Variants in INCENP observed in about 807,000 individuals in gnomAD.
INCENP encodes the protein binds and activates aurora-B and -C in vivo and in vitro.
INCENP carries 43 observed loss-of-function variants against 107.3 expected under a neutral mutation model. The ratio of observed to expected loss-of-function variants is 0.40; its 90% CI spans 0.31 to 0.52. The LOEUF (loss-of-function observed/expected upper bound fraction) is 0.52. Ranked by LOEUF, INCENP falls within the 20% of genes least tolerant of loss-of-function variation. The pLI is 0.53. For synonymous variants in INCENP, 488 were observed against 494.4 expected (o/e 0.99, Z 0.17); for missense variants, 1,089 against 1,250.9 (o/e 0.87, Z 1.95).
chr11:62,124,396 C>G (rs1943706363), intron 1 of INCENP, among the ~76,000 whole-genome samples: 1 of 148,994 alleles, frequency 6.7e-6, no homozygotes, highest in South Asian at 2.1e-4. Context: ...AGCATAGCCC[C>G]GTTCCCTCCG....
chr11:62,141,721 C>T (rs1464330813), intron 11 of INCENP: 4 of 669,208 alleles, frequency 6.0e-6, no homozygotes, highest in African/African-American at 5.4e-5. Flanking sequence ...CCTCCCTGCC[C>T]TTGACTCTGC....
intron 4 of INCENP, among the ~76,000 whole-genome samples, chr11:62,137,246 T>G (rs1944011976): frequency 1.3e-5 from 2 of 152,100 alleles, no homozygotes; most frequent in Non-Finnish European, 2.9e-5. Flanking sequence ...GTGGTTGCAG[T>G]GAGCTGAGAT....
chr11:62,129,034 G>A (rs1943820212), intron 3 of INCENP, 151 bp downstream of exon 3: 5 of 625,640 alleles, frequency 8.0e-6, no homozygotes, highest in Admixed American at 2.5e-5. Flanking sequence ...GGGCCATGCT[G>A]AGAGGGGTTG....
At chr11:62,144,377 G>A (rs1364011830) in intron 11 of INCENP, among the ~76,000 whole-genome samples, 1 of 151,692 alleles carries the variant, frequency 6.6e-6, no homozygotes, top group African/African-American at 2.4e-5. Flanking sequence ...CATGTCACAG[G>A]AAGTTTGGAA....
Position 62,145,555 on chromosome 11 carries a change from C to T in INCENP, c.1837-74C>T. Reference sequence around the variant, plus strand: ...GTGCAGGGGCAGGTGGGGCCTGTCACACACAGTTCTGGGCTCCACTCTGCA... The same window carrying T: ...GTGCAGGGGCAGGTGGGGCCTGTCATACACAGTTCTGGGCTCCACTCTGCA... On this transcript the variant is annotated intron_variant, in intron 13 of 18. Transcript: ENST00000394818. 3 of 1,509,680 alleles carry T rather than the reference C, an allele frequency of 2.0e-6. No individual in the cohort carries two copies. The East Asian group carries it at 7.2e-5, about 36-fold the overall frequency. 93.5% of individuals were successfully genotyped at this position (1,509,680 alleles called of 1,614,324 possible).
intron 6 of INCENP, 23 bp from the exon 7 acceptor site, chr11:62,138,865 T>G: frequency 6.2e-7 from 1 of 1,607,222 alleles, no homozygotes; most frequent in African/African-American, 1.3e-5. Flanking sequence ...TCAAGACCCC[T>G]AAAGCCTTGG....
intron 13 of INCENP, 44 bp from the exon 14 acceptor site, chr11:62,145,585 T>G: frequency 6.4e-7 from 1 of 1,567,788 alleles, no homozygotes; most frequent in Non-Finnish European, 8.6e-7. Flanking sequence ...TCTGCAGGAT[T>G]GAATGTGGGT....
Position 62,140,916 on chromosome 11 carries a change from G to A in INCENP, c.1465G>A (p.Val489Ile). ...TGACCCTGGTCCTCGTCTGCAGGTG[G>A]TACGGCCCCTCCGGACCTTTCTGCA... ...PSSPCPASKV[V>I]RPLRTFLHTV... The change falls in exon 10 of 19, where the codon GTA becomes ATA. Residue 489 changes from valine (V) to isoleucine (I), a missense_variant. Physicochemically the swap from Val to Ile is conservative, Grantham distance 29. Coordinates refer to ENST00000394818, the MANE Select transcript of INCENP (RefSeq NM_001040694.2). The A allele has an allele frequency of 3.1e-6, 5 of 1,614,172 alleles. No homozygotes were observed. Among genetic ancestry groups the A allele is most frequent in the African/African-American group, 2.7e-5 (2 of 75,070 alleles).
At chr11:62,126,329 G>C (rs754665520) in intron 1 of INCENP, among the ~76,000 whole-genome samples, 2 of 152,060 alleles carry the variant, frequency 1.3e-5, no homozygotes, top group Non-Finnish European at 2.9e-5. Context: ...CTGAGTAGCT[G>C]GGATTATAGG....
At chr11:62,135,055 A>T (rs1943963372) in intron 4 of INCENP, among the ~76,000 whole-genome samples, 1 of 152,178 alleles carries the variant, frequency 6.6e-6, no homozygotes, top group African/African-American at 2.4e-5. Flanking sequence ...TGTCTCAAAA[A>T]AAAAAAGTAG....
At chr11:62,128,366 G>T (rs1943803804) in intron 2 of INCENP, 65 bp downstream of exon 2, 1 of 1,584,376 alleles carries the variant, frequency 6.3e-7, no homozygotes. Context: ...TGGTCTTGGG[G>T]ACACAACAGC....
At position 62,124,034 on chromosome 11, in the gene INCENP, GC is replaced by G. The variant is rs1441535637; in HGVS notation, c.-139del. ...TCATAGTTTTCGCCCGCGCTGCGCC[GC>G]CTGGTTGCTCCTCCCGTGCGGTGAG... is the stretch of plus-strand genomic sequence containing the variant. On this transcript the variant is annotated 5_prime_UTR_variant, in exon 1 of 19. Coordinates refer to ENST00000394818, the MANE Select transcript of INCENP (RefSeq NM_001040694.2). The G allele has an allele frequency of 6.6e-6, 1 of 152,254 alleles. No homozygotes were observed. Among genetic ancestry groups the G allele is most frequent in the Non-Finnish European group, 1.5e-5 (1 of 68,066 alleles). The allele number at this position is 152,254 out of a possible 1,614,324, so 9.4% of individuals were successfully genotyped here.
In INCENP at chr11:62,140,971, C is replaced by A. The variant is rs1306430231; in HGVS notation, c.1520C>A (p.Thr507Asn). The change falls in exon 10 of 19, where the codon ACC (threonine) becomes AAC (asparagine). Residue 507 changes from threonine (T) to asparagine (N), a missense_variant. Physicochemically the swap from Thr to Asn is moderately conservative, Grantham distance 65. Coordinates refer to ENST00000394818, the MANE Select transcript of INCENP (RefSeq NM_001040694.2). ...GTGCAGAGGAACCAGATGCTCATGACCCCGACCTCAGCCCCACGCAGCGTC... is the reference window on the plus strand; with the variant it reads ...GTGCAGAGGAACCAGATGCTCATGAACCCGACCTCAGCCCCACGCAGCGTC... ...HTVQRNQMLM[T>N]PTSAPRSVMK... The A allele has an allele frequency of 6.2e-7, 1 of 1,614,122 alleles. No homozygotes were observed. The highest frequency in any genetic ancestry group is 8.5e-7 in the Non-Finnish European group (1 of 1,180,050).
Position 62,145,013 on chromosome 11 carries a change from G to A in INCENP, c.1637G>A (p.Arg546Gln), listed in dbSNP as rs768254153. ...GAGCGGCAGCGCCTGGAGAATCTGC[G>A]GCGGAAGGAGGAGGCCGAGCAGCTG... The part of the protein sequence containing the change: ...EKERQRLENL[R>Q]RKEEAEQLRR... The change falls in exon 12 of 19, where the codon CGG (arginine) becomes CAG (glutamine). Residue 546 changes from arginine to glutamine, a missense_variant. Transcript: ENST00000394818. 35 of 1,605,424 alleles carry A rather than the reference G, an allele frequency of 2.2e-5. No homozygotes were observed. The highest frequency in any genetic ancestry group is 2.5e-5 in the Non-Finnish European group (30 of 1,177,498).
At chr11:62,130,861 G>A (rs1943879252) in intron 4 of INCENP, among the ~76,000 whole-genome samples, 1 of 152,222 alleles carries the variant, frequency 6.6e-6, no homozygotes, top group South Asian at 2.1e-4. Context: ...GTAGCTAGTG[G>A]CTTCCACGTT....
chr11:62,124,123 A>T lies in INCENP; in HGVS notation c.-52A>T, dbSNP rs1943700183. On this transcript the variant is annotated 5_prime_UTR_variant, in exon 1 of 19. Coordinates refer to ENST00000394818, the MANE Select transcript of INCENP (RefSeq NM_001040694.2). ...GGGCCTTACCTAGGGATACCACCGGACTTGGATCGGAGCAGCCTTCAGGGG... is the reference window on the plus strand; with the variant it reads ...GGGCCTTACCTAGGGATACCACCGGTCTTGGATCGGAGCAGCCTTCAGGGG... 6.6e-6 allele frequency: 1 copy of T among 152,166 alleles called. No homozygotes were observed. 9.4% of individuals were successfully genotyped at this position (152,166 alleles called of 1,614,324 possible). A position where few individuals can be genotyped will look rare whatever the true frequency, so the allele number is the denominator to read the frequency against.
intron 1 of INCENP, among the ~76,000 whole-genome samples, chr11:62,126,400 G>A (rs564924614): frequency 4.6e-5 from 7 of 152,114 alleles, no homozygotes; most frequent in African/African-American, 7.2e-5. Flanking sequence ...GTTTCACCAC[G>A]TTGGCCAGGC....
chr11:62,150,351 A>G, intron 18 of INCENP, 144 bp downstream of exon 18: 1 of 811,062 alleles, frequency 1.2e-6, no homozygotes, highest in South Asian at 1.7e-5. Context: ...AGCCTTGGGT[A>G]TGCATGTGCC....
intron 15 of INCENP, 63 bp downstream of exon 15, chr11:62,146,965 C>T (rs1944265169): frequency 6.3e-7 from 1 of 1,577,952 alleles, no homozygotes; most frequent in South Asian, 1.1e-5. Flanking sequence ...CGGTGTGAAC[C>T]TTGCCTGGAC....
Sources: allele counts gnomAD v4.1 joint callset (sites outside exome capture counted in the v4.1 genomes callset), GRCh38; gene constraint gnomAD v4.1.1; transcripts MANE v1.5; gene names NCBI Gene and HGNC (gene_info 2026-07-23, HGNC 2026-07-21).